The following TANC2 variants were observed in gnomAD, a reference collection of about 807,000 sequenced individuals.
The protein encoded by TANC2 is tetratricopeptide repeat, ankyrin repeat and coiled-coil containing 2.
A neutral mutation model predicts 210.5 loss-of-function variants in TANC2; 26 were observed. The ratio of observed to expected loss-of-function variants is 0.12; its 90% CI spans 0.09 to 0.17. TANC2 has a LOEUF of 0.17. Ranked by LOEUF, TANC2 falls within the 10% of genes least tolerant of loss-of-function variation. TANC2 has a pLI of 1.00. For missense variants in TANC2, 2,129 were observed against 2,608.9 expected (o/e 0.82, Z 4.01); for synonymous variants, 931 against 967.1 (o/e 0.96, Z 0.69).
rs1468309550 is a variant in TANC2, at chr17:63,018,375, G to A, written c.67+8749G>A. On this transcript the variant is annotated intron_variant, in intron 2 of 27. Coordinates refer to ENST00000689528, the Ensembl canonical transcript of TANC2. ...ACACGCCTGTAATCCCAGCTCCTCA[G>A]GAGGCTGAGAGAGGAGAATTGCTTG... Among the ~76,000 whole-genome samples the A allele has an allele frequency of 8.6e-5, 13 of 151,930 alleles. No homozygotes were observed. In the South Asian group the frequency reaches 2.5e-3, roughly 29 times the overall value.
chr17:63,116,558 A>G (rs1464057909), intron 4 of TANC2, among the ~76,000 whole-genome samples: 5 of 152,238 alleles, frequency 3.3e-5, no homozygotes, highest in Non-Finnish European at 7.3e-5. Flanking sequence ...AATGAAGGCT[A>G]TGAGCATTTT....
intron 7 of TANC2, among the ~76,000 whole-genome samples, chr17:63,218,071 G>A (rs886708899): frequency 6.6e-6 from 1 of 152,092 alleles, no homozygotes; most frequent in Non-Finnish European, 1.5e-5. Flanking sequence ...ATCACTTGAG[G>A]CCAGAAGTTC....
At chr17:63,067,000 A>G (rs970825798) in intron 2 of TANC2, among the ~76,000 whole-genome samples, 1 of 152,196 alleles carries the variant, frequency 6.6e-6, no homozygotes, top group Non-Finnish European at 1.5e-5. Context: ...CATGGACTTT[A>G]GAACTGACCT....
chr17:63,048,556 G>C (rs2035464909), intron 2 of TANC2, among the ~76,000 whole-genome samples: 1 of 152,152 alleles, frequency 6.6e-6, no homozygotes, highest in Admixed American at 6.5e-5. Flanking sequence ...TTGTTGAATA[G>C]GGAGTCCTTT....
In TANC2 at chr17:63,397,589, C is replaced by T. The variant is rs192242909; in HGVS notation, c.3238-1232C>T. Among the ~76,000 whole-genome samples, 12 of 152,244 alleles carry T rather than the reference C, an allele frequency of 7.9e-5. 1 individual carries two copies. Among genetic ancestry groups the T allele is most frequent in the Non-Finnish European group, 1.6e-4 (11 of 68,020 alleles). ...TGAAGCCCTGATTTATAATGTTTGCCAGTTTCAAGGGTGTAAATACTCCCA... is the reference window on the plus strand; with the variant it reads ...TGAAGCCCTGATTTATAATGTTTGCTAGTTTCAAGGGTGTAAATACTCCCA... On this transcript the variant is annotated intron_variant, in intron 18 of 27. Transcript: ENST00000689528.
chr17:63,374,032 GTTT>G (rs35801082), intron 14 of TANC2, among the ~76,000 whole-genome samples: 4 of 93,528 alleles, frequency 4.3e-5, no homozygotes, highest in Non-Finnish European at 7.8e-5. Flanking sequence ...GTTGTTGTTG[GTTT>G]TTTTTTTTTT....
chr17:62,977,689 A>G (rs756636054), intron 1 of TANC2, among the ~76,000 whole-genome samples: 1 of 151,820 alleles, frequency 6.6e-6, no homozygotes, highest in Non-Finnish European at 1.5e-5. Context: ...CATTCTACCT[A>G]TTTTTTTAAA....
At chr17:63,263,912 C>T (rs1260644598) in intron 8 of TANC2, among the ~76,000 whole-genome samples, 16 of 152,230 alleles carry the variant, frequency 1.1e-4, no homozygotes, top group Admixed American at 1.0e-3. Context: ...AGGTATATCA[C>T]TCTGCTATTG....
chr17:63,193,902 G>T (rs767396019), intron 5 of TANC2, 89 bp from the exon 6 acceptor site: 64 of 1,353,980 alleles, frequency 4.7e-5, no homozygotes, highest in Non-Finnish European at 5.8e-5. Flanking sequence ...GAAAACTAAA[G>T]AAATGACCAA....
At chr17:62,979,164 C>G (rs116331179) in intron 1 of TANC2, among the ~76,000 whole-genome samples, 1 of 152,156 alleles carries the variant, frequency 6.6e-6, no homozygotes, top group African/African-American at 2.4e-5. Flanking sequence ...TCTATACATG[C>G]AGTTTTACCA....
At chr17:63,340,166 C>T (rs1413342188) in exon 12 of TANC2, 1 of 1,613,948 alleles carries the variant, frequency 6.2e-7, no homozygotes, top group Non-Finnish European at 8.5e-7. Flanking sequence ...AATTTGTCCA[C>T]AATGTTGCTG....
At chr17:63,165,331 T>C (rs1470698236) in intron 5 of TANC2, among the ~76,000 whole-genome samples, 1 of 152,152 alleles carries the variant, frequency 6.6e-6, no homozygotes, top group Admixed American at 6.5e-5. Flanking sequence ...CCAAAAAGCT[T>C]TCAAATTGGA....
chr17:63,020,225 T>C (rs1346854469), intron 2 of TANC2, among the ~76,000 whole-genome samples: 1 of 152,194 alleles, frequency 6.6e-6, no homozygotes, highest in Non-Finnish European at 1.5e-5. Context: ...ACTGTATAGT[T>C]TGTATTTTTA....
intron 2 of TANC2, among the ~76,000 whole-genome samples, chr17:63,018,444 G>T (rs962227665): frequency 1.6e-4 from 24 of 149,674 alleles, no homozygotes; most frequent in Non-Finnish European, 3.0e-4. Context: ...TCTTTCCATT[G>T]CATTCCAGCC....
At chr17:63,381,308 C>T (rs1395614581) in intron 15 of TANC2, 1 of 152,164 alleles carries the variant, frequency 6.6e-6, no homozygotes, top group Non-Finnish European at 1.5e-5. Flanking sequence ...AGACTGGCTC[C>T]ATGTGTGATT....
In TANC2 at chr17:63,027,421, T is replaced by A. The variant is rs549911368; in HGVS notation, c.67+17795T>A. Among the ~76,000 whole-genome samples the A allele has an allele frequency of 4.9e-4, 74 of 152,234 alleles. 1 individual carries two copies. The highest frequency in any genetic ancestry group is 3.4e-3 in the Middle Eastern group (1 of 292). ...ATACGCTATTTTTCATAGGTATATT[T>A]TGATATAGAACAATGTTTGTGCCAA... is the stretch of plus-strand genomic sequence containing the variant. On this transcript the variant is annotated intron_variant, in intron 2 of 27. Coordinates refer to ENST00000689528, the Ensembl canonical transcript of TANC2.
chr17:63,107,947 C>T (rs575082484), intron 4 of TANC2, among the ~76,000 whole-genome samples: 1 of 151,724 alleles, frequency 6.6e-6, no homozygotes, highest in African/African-American at 2.4e-5. Flanking sequence ...TTAAATTGTA[C>T]TTATATCTCA....
intron 25 of TANC2, among the ~76,000 whole-genome samples, chr17:63,414,668 C>T (rs2048805747): frequency 6.6e-6 from 1 of 152,198 alleles, no homozygotes; most frequent in Non-Finnish European, 1.5e-5. Context: ...GACTCCAAAT[C>T]TCTCCTTAGT....
intron 1 of TANC2, among the ~76,000 whole-genome samples, chr17:62,980,822 C>T (rs186651262): frequency 6.6e-6 from 1 of 152,318 alleles, no homozygotes; most frequent in African/African-American, 2.4e-5. Flanking sequence ...TTTCATCTCA[C>T]TGGGACTTTC....
Sources: gnomAD v4.1 joint callset for allele counts (sites outside exome capture counted in the v4.1 genomes callset) on GRCh38, gnomAD v4.1.1 for gene constraint, MANE v1.5 for transcripts, NCBI Gene and HGNC (gene_info 2026-07-23, HGNC 2026-07-21) for gene names.